The following KCNC2 variants were observed in gnomAD, a reference collection of about 807,000 sequenced individuals.
KCNC2 encodes the protein voltage-gated potassium channel KCNC2.
KCNC2 carries 21 observed loss-of-function variants against 44.5 expected under a neutral mutation model. The observed-to-expected ratio is 0.47, with a 90% confidence interval of 0.33 to 0.68. KCNC2 has a LOEUF of 0.68. Among genes scored for constraint, KCNC2 ranks in the 30% least tolerant of loss-of-function variants. The pLI, the probability that KCNC2 is intolerant of heterozygous loss-of-function variation, is 0.01. For synonymous variants in KCNC2, 391 were observed against 339.1 expected (o/e 1.15, Z -1.68); for missense variants, 589 against 826.2 (o/e 0.71, Z 3.52).
chr12:75,140,344 A>G lies in KCNC2; in HGVS notation c.687+66953T>C, dbSNP rs1449369016. On this transcript the variant is annotated intron_variant, in intron 2 of 4. Coordinates refer to ENST00000549446, the MANE Select transcript of KCNC2 (RefSeq NM_139137.4). ...ACAAGGAGATTACACAAAAATGTGG[A>G]TAGATAGGTGTGATTTGTCAGGGAC... is the stretch of plus-strand genomic sequence containing the variant. 3 of 152,214 alleles carry G rather than the reference A, an allele frequency of 2.0e-5. No homozygotes were observed. The East Asian group carries it at 5.8e-4, about 29-fold the overall frequency. The allele number at this position is 152,214 out of a possible 1,614,324, so 9.4% of individuals were successfully genotyped here. A position where few individuals can be genotyped will look rare whatever the true frequency, so the allele number is the denominator to read the frequency against.
chr12:75,174,709 G>T (rs1892063937), intron 2 of KCNC2, among the ~76,000 whole-genome samples: 1 of 151,854 alleles, frequency 6.6e-6, no homozygotes, highest in South Asian at 2.1e-4. Flanking sequence ...CTTCTGAGTT[G>T]TAAGAAGAAA....
At chr12:75,073,572 G>C (rs1883625389) in intron 2 of KCNC2, among the ~76,000 whole-genome samples, 1 of 152,076 alleles carries the variant, frequency 6.6e-6, no homozygotes, top group African/African-American at 2.4e-5. Flanking sequence ...TTGTTTTCTT[G>C]CTTAAAATAT....
At chr12:75,137,966 A>AT (rs1234926715) in intron 2 of KCNC2, among the ~76,000 whole-genome samples, 5 of 152,206 alleles carry the variant, frequency 3.3e-5, no homozygotes, top group African/African-American at 1.2e-4. Context: ...ATTCAACAAG[A>AT]TAATGAGCAT....
At chr12:75,095,727 C>T (rs1349596093) in intron 2 of KCNC2, among the ~76,000 whole-genome samples, 2 of 151,698 alleles carry the variant, frequency 1.3e-5, no homozygotes, top group African/African-American at 2.4e-5. Context: ...CCACCTAATA[C>T]GCAGGAAAAC....
chr12:75,147,295 T>C (rs576084773), intron 2 of KCNC2, among the ~76,000 whole-genome samples: 2 of 152,162 alleles, frequency 1.3e-5, no homozygotes, highest in Non-Finnish European at 2.9e-5. Flanking sequence ...TGGAGAATTT[T>C]TTTTCGTGGG....
chr12:75,088,977 A>G (rs529713036), intron 2 of KCNC2, among the ~76,000 whole-genome samples: 3 of 151,940 alleles, frequency 2.0e-5, no homozygotes, highest in Non-Finnish European at 4.4e-5. Flanking sequence ...CAATGATAAT[A>G]TAAAGATCAA....
At chr12:75,181,813 T>C (rs1451670993) in intron 2 of KCNC2, among the ~76,000 whole-genome samples, 3 of 148,896 alleles carry the variant, frequency 2.0e-5, no homozygotes, top group Non-Finnish European at 4.4e-5. Context: ...TAATTAACAA[T>C]AATAAGCCTG....
Position 75,050,611 on chromosome 12 carries a change from A to AT in KCNC2, c.1393dup (p.Ile465AsnfsTer11). 6.2e-7 allele frequency: 1 copy of AT among 1,613,332 alleles called. No homozygotes were observed. The highest frequency in any genetic ancestry group is 8.5e-7 in the Non-Finnish European group (1 of 1,179,744). ...GACAATGACAGGCACTGGCATGGCT[A>AT]TTGTCAGCACTCCAGCCAGAGCACA... On this transcript the variant is annotated frameshift_variant, in exon 3 of 5. Transcript: ENST00000549446. LOFTEE classifies it high-confidence loss of function.
rs540292490 is a variant in KCNC2 at position 75,168,220 on chromosome 12, C to CT, written c.687+39076dup. Among the ~76,000 whole-genome samples the CT allele has an allele frequency of 3.8e-4, 58 of 151,124 alleles. No individual in the cohort carries two copies. The South Asian group carries it at 9.2e-3, about 24-fold the overall frequency. On this transcript the variant is annotated intron_variant, in intron 2 of 4. Coordinates refer to ENST00000549446, the MANE Select transcript of KCNC2 (RefSeq NM_139137.4). The stretch of plus-strand genomic sequence containing the variant: ...AAAAAACTCTATGACTTTTAAATAC[C>CT]TTTTTTTTGAGTATTTACTATGTTT...
At chr12:75,184,539 A>T (rs1268679075) in intron 2 of KCNC2, among the ~76,000 whole-genome samples, 1 of 152,192 alleles carries the variant, frequency 6.6e-6, no homozygotes, top group Non-Finnish European at 1.5e-5. Context: ...CAGCAAGGAA[A>T]GGGAGAACTT....
At chr12:75,134,226 A>G (rs1159764391) in intron 2 of KCNC2, among the ~76,000 whole-genome samples, 1 of 151,944 alleles carries the variant, frequency 6.6e-6, no homozygotes, top group Non-Finnish European at 1.5e-5. Flanking sequence ...AATATAATAA[A>G]AAAAGTTAAA....
At chr12:75,152,341 A>AAAACACG (rs1890461038) in intron 2 of KCNC2, among the ~76,000 whole-genome samples, 1 of 151,834 alleles carries the variant, frequency 6.6e-6, no homozygotes, top group Admixed American at 6.6e-5. Flanking sequence ...AAAATAAACA[A>AAAACACG]AAACACGTTA....
chr12:75,069,816 C>T (rs1012478188), intron 2 of KCNC2, among the ~76,000 whole-genome samples: 17 of 152,254 alleles, frequency 1.1e-4, no homozygotes, highest in African/African-American at 4.1e-4. Flanking sequence ...CATGCCCCAG[C>T]TACACTGTTT....
intron 2 of KCNC2, among the ~76,000 whole-genome samples, chr12:75,070,632 A>G (rs1199054692): frequency 1.3e-5 from 2 of 151,878 alleles, no homozygotes; most frequent in African/African-American, 4.8e-5. Flanking sequence ...CTTTAAAAAA[A>G]TATATATATA....
At chr12:75,176,236 G>T (rs1247448953) in intron 2 of KCNC2, among the ~76,000 whole-genome samples, 1 of 152,012 alleles carries the variant, frequency 6.6e-6, no homozygotes, top group South Asian at 2.1e-4. Flanking sequence ...TCTACATATT[G>T]CCCTAAGCAC....
chr12:75,125,916 T>C (rs1368368608), intron 2 of KCNC2, among the ~76,000 whole-genome samples: 5 of 152,212 alleles, frequency 3.3e-5, no homozygotes, highest in African/African-American at 1.2e-4. Context: ...AGTGGTCAAA[T>C]ATAAAATTCT....
chr12:75,134,730 C>T (rs910089017), intron 2 of KCNC2, among the ~76,000 whole-genome samples: 13 of 151,778 alleles, frequency 8.6e-5, no homozygotes, highest in East Asian at 1.9e-4. Flanking sequence ...AGATAATGAA[C>T]GACAAAATTA....
intron 2 of KCNC2, among the ~76,000 whole-genome samples, chr12:75,081,408 A>ATTTTTTTTT (rs34651267): frequency 7.7e-6 from 1 of 130,466 alleles, no homozygotes; most frequent in Non-Finnish European, 1.6e-5. Context: ...TTAAACATTC[A>ATTTTTTTTT]TTTTTTTTTT....
intron 2 of KCNC2, among the ~76,000 whole-genome samples, chr12:75,163,347 G>A (rs150573393): frequency 6.6e-6 from 1 of 151,834 alleles, no homozygotes; most frequent in African/African-American, 2.4e-5. Context: ...AGGTATTATT[G>A]TGGAATCATT....
Sources: gnomAD v4.1 joint callset for allele counts (sites outside exome capture counted in the v4.1 genomes callset) on GRCh38, gnomAD v4.1.1 for gene constraint, MANE v1.5 for transcripts, NCBI Gene and HGNC (gene_info 2026-07-23, HGNC 2026-07-21) for gene names.